Variants in CREB3L1 observed in about 807,000 individuals in gnomAD.
The protein encoded by CREB3L1 is cyclic AMP-responsive element-binding protein 3-like protein 1.
A neutral mutation model predicts 54.5 loss-of-function variants in CREB3L1; 33 were observed. That is an observed-to-expected ratio of 0.61 (90% CI 0.46 to 0.81). CREB3L1 has a LOEUF of 0.81. CREB3L1 is among the 30% of genes least tolerant of loss of function. The pLI, the probability that CREB3L1 is intolerant of heterozygous loss-of-function variation, is 0.00. For synonymous variants in CREB3L1, 284 were observed against 286.4 expected, an observed-to-expected ratio of 0.99 and a Z score of 0.08; for missense variants, 656 against 673.3, an observed-to-expected ratio of 0.97 and a Z score of 0.29.
chr11:46,310,664 T>C (rs1410809121), intron 4 of CREB3L1, among the ~76,000 whole-genome samples: 1 of 151,902 alleles, frequency 6.6e-6, no homozygotes, highest in Non-Finnish European at 1.5e-5. Context: ...CCTTCTGGGG[T>C]TGCTGAGCTA....
chr11:46,318,755 G>A (rs867581119), intron 10 of CREB3L1, among the ~76,000 whole-genome samples: 18 of 152,170 alleles, frequency 1.2e-4, no homozygotes, highest in Non-Finnish European at 2.1e-4. Flanking sequence ...TGTCTGGCAG[G>A]ACAGGAGGAG....
chr11:46,312,562 A>T, intron 6 of CREB3L1, 50 bp from the exon 7 acceptor site: 1 of 1,608,274 alleles, frequency 6.2e-7, no homozygotes, highest in Non-Finnish European at 8.5e-7. Context: ...GGGGCCCAGG[A>T]AGTGAATATG....
In CREB3L1 at chr11:46,278,003, C is replaced by A. The variant is rs1938901318; in HGVS notation, c.-109C>A. ...CCCTCCCCCGGGGCTTCGCCCCGGA[C>A]CTGCCCCCCGCCCGTTTGCCAGCGC... is the stretch of plus-strand genomic sequence containing the variant. On this transcript the variant is annotated 5_prime_UTR_variant, in exon 1 of 12. Coordinates refer to ENST00000621158, the MANE Select transcript of CREB3L1 (RefSeq NM_052854.4). This position sits in a 1 kb window ranked among gnomAD's most constrained non-coding sequence, Gnocchi z 4.2. 3.8e-6 allele frequency: 2 copies of A among 520,866 alleles called. No individual in the cohort carries two copies. Among genetic ancestry groups the A allele is most frequent in the Non-Finnish European group, 6.2e-6 (2 of 325,050 alleles). The allele number at this position is 520,866 out of a possible 1,614,324, so 32.3% of individuals were successfully genotyped here.
Position 46,320,514 on chromosome 11 carries a change from G to A in CREB3L1, c.1509G>A (p.Glu503=), listed in dbSNP as rs1401502633. 6 of 1,510,988 alleles carry A rather than the reference G, an allele frequency of 4.0e-6. No homozygotes were observed. The highest frequency in any genetic ancestry group is 2.1e-5 in the Admixed American group (1 of 47,182). The allele number at this position is 1,510,988 out of a possible 1,614,324, so 93.6% of individuals were successfully genotyped here. ...GTSPDFSHSK[E]WFHDRDLGPN... Reference sequence around the variant, plus strand: ...GCCCCGACTTCTCCCACTCCAAGGAGTGGTTCCACGACAGGTGGGGTGTGT... The same window carrying A: ...GCCCCGACTTCTCCCACTCCAAGGAATGGTTCCACGACAGGTGGGGTGTGT... The change falls in exon 11 of 12, where the codon GAG becomes GAA. Residue 503 remains glutamate (E), a synonymous_variant. Transcript: ENST00000621158.
Position 46,320,043 on chromosome 11 carries a change from T to C in CREB3L1, c.1259-221T>C, listed in dbSNP as rs1284400157. ...TGTATTACCTCATTTAAACCTCTCA[T>C]TTACATGAGGTTGGTCCTAGTATCC... On this transcript the variant is annotated intron_variant, in intron 10 of 11. Coordinates refer to ENST00000621158, the MANE Select transcript of CREB3L1 (RefSeq NM_052854.4). Among the ~76,000 whole-genome samples the C allele has an allele frequency of 3.3e-5, 5 of 152,156 alleles. No homozygotes were observed. The South Asian group carries it at 1.0e-3, about 32-fold the overall frequency.
chr11:46,312,906 G>A lies in CREB3L1; in HGVS notation c.1018G>A (p.Glu340Lys). The A allele has an allele frequency of 3.8e-6, 6 of 1,586,646 alleles. No homozygotes were observed. The African/African-American group carries it at 5.4e-5, about 14-fold the overall frequency. ...ACTGTGGAAGAAGGTGGAGACCCTG[G>A]AGAATGCCAACAGGTGGGTAGTGCC... is the stretch of plus-strand genomic sequence containing the variant. ...NELWKKVETL[E>K]NANRTLLQQL... The change falls in exon 8 of 12, where the codon GAG (glutamate) becomes AAG (lysine). Residue 340 changes from glutamate (E) to lysine (K), a missense_variant. This residue lies in a region of CREB3L1 where 77 missense variants were observed against 122.0 expected (regional missense o/e 0.63). Coordinates refer to ENST00000621158, the MANE Select transcript of CREB3L1 (RefSeq NM_052854.4).
rs1938902747 is a variant in CREB3L1, at chr11:46,278,041, T to A, written c.-71T>A. 2.5e-6 allele frequency: 2 copies of A among 814,854 alleles called. No homozygotes were observed. The highest frequency in any genetic ancestry group is 2.6e-5 in the Admixed American group (1 of 38,452). The allele number at this position is 814,854 out of a possible 1,614,324, so 50.5% of individuals were successfully genotyped here. On this transcript the variant is annotated 5_prime_UTR_variant, in exon 1 of 12. Coordinates refer to ENST00000621158, the MANE Select transcript of CREB3L1 (RefSeq NM_052854.4). The surrounding 1 kb of genome is among the most constrained non-coding windows in gnomAD (Gnocchi z 4.2). ...CGTTTGCCAGCGCTCAGGCAGGAGC[T>A]CTGGACTGGGCGCGCCGCCGCCCTG... is the stretch of plus-strand genomic sequence containing the variant.
rs773333512 is a variant in CREB3L1, at chr11:46,317,526, G to A, written c.1258+39G>A. Reference sequence around the variant, plus strand: ...TGTCATGCCAGCTCCCTGGGCTGAGGCTGCCCTGCCCCAGCCCCAGTGTCC... The same window carrying A: ...TGTCATGCCAGCTCCCTGGGCTGAGACTGCCCTGCCCCAGCCCCAGTGTCC... On this transcript the variant is annotated intron_variant, in intron 10 of 11. Coordinates refer to ENST00000621158, the MANE Select transcript of CREB3L1 (RefSeq NM_052854.4). 10 of 1,600,520 alleles carry A rather than the reference G, an allele frequency of 6.2e-6. No homozygotes were observed. In the Admixed American group the frequency reaches 6.7e-5, roughly 11 times the overall value.
intron 1 of CREB3L1, among the ~76,000 whole-genome samples, chr11:46,282,020 T>G (rs1232491995): frequency 1.1e-4 from 16 of 152,190 alleles, no homozygotes. Context: ...AGGTTTGATT[T>G]GGGTTTTGCT....
intron 4 of CREB3L1, 64 bp downstream of exon 4, chr11:46,310,131 C>T: frequency 8.0e-7 from 1 of 1,252,234 alleles, no homozygotes; most frequent in Non-Finnish European, 1.1e-6. Flanking sequence ...ATCCCCACTT[C>T]CTTGGTTCAG....
chr11:46,312,721 T>G (rs1033118368), intron 7 of CREB3L1, 51 bp downstream of exon 7: 15 of 1,575,076 alleles, frequency 9.5e-6, no homozygotes, highest in Non-Finnish European at 1.2e-5. Context: ...TGACCTGCCC[T>G]CCCCTAGGCC....
chr11:46,320,989 G>A lies in CREB3L1; in HGVS notation c.*243G>A, dbSNP rs1178162039. On this transcript the variant is annotated 3_prime_UTR_variant, in exon 12 of 12. Coordinates refer to ENST00000621158, the MANE Select transcript of CREB3L1 (RefSeq NM_052854.4). ...CCTTCTCAGACAAACCACTCACTGG[G>A]TACCCCACCTCCTCTCTCATATGCC... is the stretch of plus-strand genomic sequence containing the variant. 1.5e-6 allele frequency: 1 copy of A among 649,034 alleles called. No individual in the cohort carries two copies. The highest frequency in any genetic ancestry group is 2.8e-6 in the Non-Finnish European group (1 of 352,940). 40.2% of individuals were successfully genotyped at this position (649,034 alleles called of 1,614,324 possible). A position where few individuals can be genotyped will look rare whatever the true frequency, so the allele number is the denominator to read the frequency against.
intron 3 of CREB3L1, among the ~76,000 whole-genome samples, chr11:46,309,049 C>T (rs1939445542): frequency 6.6e-6 from 1 of 152,210 alleles, no homozygotes; most frequent in Admixed American, 6.5e-5. Context: ...GACCCTGAAG[C>T]CCACGCGAGT....
chr11:46,311,862 C>T (rs564536672), intron 5 of CREB3L1, among the ~76,000 whole-genome samples: 2 of 152,328 alleles, frequency 1.3e-5, no homozygotes, highest in African/African-American at 2.4e-5. Context: ...AGGACTAGAA[C>T]TTGACATTCC....
intron 1 of CREB3L1, among the ~76,000 whole-genome samples, chr11:46,285,020 C>T (rs1005989684): frequency 6.6e-6 from 1 of 152,192 alleles, no homozygotes; most frequent in Non-Finnish European, 1.5e-5. Flanking sequence ...TGTTCCCCAG[C>T]CCTTCTGGGG....
chr11:46,311,696 C>T (rs1012544329), intron 5 of CREB3L1, among the ~76,000 whole-genome samples: 1 of 152,156 alleles, frequency 6.6e-6, no homozygotes, highest in Non-Finnish European at 1.5e-5. Context: ...CAGCATTTCA[C>T]CATGTTGGCC....
At chr11:46,303,053 A>T (rs1441957806) in intron 2 of CREB3L1, among the ~76,000 whole-genome samples, 1 of 152,228 alleles carries the variant, frequency 6.6e-6, no homozygotes, top group Non-Finnish European at 1.5e-5. Flanking sequence ...AGTAAAATGC[A>T]GAACAGAGAC....
In CREB3L1 at chr11:46,295,068, G is replaced by C. The variant is rs1190354945; in HGVS notation, c.103-4867G>C. 1 of 152,610 alleles carries C rather than the reference G, an allele frequency of 6.6e-6. No homozygotes were observed. Among genetic ancestry groups the C allele is most frequent in the African/African-American group, 2.4e-5 (1 of 41,442 alleles). 9.5% of individuals were successfully genotyped at this position (152,610 alleles called of 1,614,324 possible). On this transcript the variant is annotated intron_variant, in intron 1 of 11. Transcript: ENST00000621158. This position sits in a 1 kb window ranked among gnomAD's most constrained non-coding sequence, Gnocchi z 4.6. Reference sequence around the variant, plus strand: ...ACTGAACCAGCCTGGGCCGGGGGAGGGGCAGAAGTTAGGAGTGGGGGTGCA... The same window carrying C: ...ACTGAACCAGCCTGGGCCGGGGGAGCGGCAGAAGTTAGGAGTGGGGGTGCA...
At chr11:46,294,975 C>G (rs1037205332) in intron 1 of CREB3L1, among the ~76,000 whole-genome samples, 4 of 152,078 alleles carry the variant, frequency 2.6e-5, no homozygotes, top group African/African-American at 9.7e-5. Context: ...CAGGATTCCC[C>G]CCCACCCCTT....
Sources: allele counts gnomAD v4.1 joint callset (sites outside exome capture counted in the v4.1 genomes callset), GRCh38; gene constraint gnomAD v4.1.1; regional missense constraint gnomAD v4.1.1; non-coding constraint Gnocchi (gnomAD v3.1); transcripts MANE v1.5; gene names NCBI Gene and HGNC (gene_info 2026-07-23, HGNC 2026-07-21).